The following TMEM255B variants were observed in gnomAD, a reference collection of about 807,000 sequenced individuals.
TMEM255B encodes the protein family with sequence similarity 70, member B.
TMEM255B carries 35 observed loss-of-function variants against 34.5 expected under a neutral mutation model. The ratio of observed to expected loss-of-function variants is 1.01; its 90% CI spans 0.77 to 1.34. The LOEUF (loss-of-function observed/expected upper bound fraction) is 1.34, where lower values mean the gene tolerates loss of function less well. Ranked by LOEUF, TMEM255B falls within the 40% of genes most tolerant of loss-of-function variation. The pLI, the probability that TMEM255B is intolerant of heterozygous loss-of-function variation, is 0.00. For synonymous variants in TMEM255B, 206 were observed against 201.2 expected, an observed-to-expected ratio of 1.02 and a Z score of -0.20; for missense variants, 432 against 433.2, an observed-to-expected ratio of 1.00 and a Z score of 0.02.
At chr13:113,787,305 A>G (rs575569928) in intron 3 of TMEM255B, among the ~76,000 whole-genome samples, 46 of 152,338 alleles carry the variant, frequency 3.0e-4, no homozygotes, top group African/African-American at 1.1e-3. Context: ...AAAAACATGT[A>G]TTCTAGACTA....
intron 2 of TMEM255B, among the ~76,000 whole-genome samples, chr13:113,767,164 G>A (rs1036434740): frequency 6.6e-6 from 1 of 152,178 alleles, no homozygotes; most frequent in Non-Finnish European, 1.5e-5. Flanking sequence ...CAGCAAAGAT[G>A]AAAGATTTTT....
intron 8 of TMEM255B, among the ~76,000 whole-genome samples, chr13:113,811,149 TGGGGGCCCGTG>T (rs2051290087): frequency 1.2e-5 from 1 of 80,122 alleles, no homozygotes; most frequent in Non-Finnish European, 2.6e-5. Flanking sequence ...GTCTGTGGGG[TGGGGGCCCGTG>T]AGAGTGGTCC....
chr13:113,769,461 G>T lies in TMEM255B; in HGVS notation c.252+301G>T. 2.7e-6 allele frequency: 1 copy of T among 367,064 alleles called. No homozygotes were observed. The allele number at this position is 367,064 out of a possible 1,614,324, so 22.7% of individuals were successfully genotyped here. On this transcript the variant is annotated intron_variant, in intron 3 of 8. Coordinates refer to ENST00000375353, the MANE Select transcript of TMEM255B (RefSeq NM_182614.4). The surrounding 1 kb of genome is among the most constrained non-coding windows in gnomAD (Gnocchi z 4.2). ...AGAATGCATGAAGTTTGGGACGGGGGTGGCAAATTAAATTAAGTCCTAGTG... is the reference window on the plus strand; with the variant it reads ...AGAATGCATGAAGTTTGGGACGGGGTTGGCAAATTAAATTAAGTCCTAGTG...
intron 8 of TMEM255B, among the ~76,000 whole-genome samples, chr13:113,810,540 A>G (rs901577823): frequency 5.3e-5 from 8 of 152,174 alleles, no homozygotes; most frequent in Non-Finnish European, 1.2e-4. Context: ...AGAGAGATCA[A>G]TCCATCGATT....
intron 1 of TMEM255B, among the ~76,000 whole-genome samples, chr13:113,760,791 C>T (rs866169746): frequency 5.3e-5 from 2 of 38,090 alleles, no homozygotes; most frequent in Non-Finnish European, 5.3e-5. Context: ...TTTGGGGTAT[C>T]GGGGGTGGGT....
chr13:113,808,042 G>C (rs902787390), intron 8 of TMEM255B, among the ~76,000 whole-genome samples: 4 of 152,176 alleles, frequency 2.6e-5, no homozygotes, highest in African/African-American at 7.2e-5. Flanking sequence ...CTTAATATAC[G>C]CACGCTGATA....
chr13:113,800,962 C>G, intron 6 of TMEM255B, 50 bp downstream of exon 6: 1 of 1,176,356 alleles, frequency 8.5e-7, no homozygotes, highest in Non-Finnish European at 1.2e-6. Flanking sequence ...AGGTGAGGGG[C>G]GCTGGGGACC....
At chr13:113,791,229 T>C (rs1299356494) in intron 3 of TMEM255B, among the ~76,000 whole-genome samples, 1 of 152,166 alleles carries the variant, frequency 6.6e-6, no homozygotes, top group African/African-American at 2.4e-5. Flanking sequence ...GGTGAACATC[T>C]AGGGCCAGCA....
rs1353910082 is a variant in TMEM255B at position 113,769,186 on chromosome 13, G to A, written c.252+26G>A. ...GTAAGAAAGTACATGGGGTGGTGGG[G>A]AGCATGAGTCCCTCATCAGGGGATG... is the stretch of plus-strand genomic sequence containing the variant. On this transcript the variant is annotated intron_variant, in intron 3 of 8. Transcript: ENST00000375353. This position sits in a 1 kb window ranked among gnomAD's most constrained non-coding sequence, Gnocchi z 4.2. 1 of 1,613,026 alleles carries A rather than the reference G, an allele frequency of 6.2e-7. No individual in the cohort carries two copies. Among genetic ancestry groups the A allele is most frequent in the South Asian group, 1.1e-5 (1 of 91,020 alleles).
chr13:113,772,123 A>C (rs773274557), intron 3 of TMEM255B, among the ~76,000 whole-genome samples: 2 of 152,116 alleles, frequency 1.3e-5, no homozygotes, highest in South Asian at 4.1e-4. Flanking sequence ...TCATGTGCCT[A>C]TTGGCCGTTT....
intron 3 of TMEM255B, among the ~76,000 whole-genome samples, chr13:113,772,313 T>C (rs760535643): frequency 1.4e-4 from 22 of 152,234 alleles, no homozygotes; most frequent in Admixed American, 2.6e-4. Context: ...CTTAATGGTG[T>C]CCTTTGAGGC....
chr13:113,804,203 A>C (rs1418209446), intron 7 of TMEM255B, among the ~76,000 whole-genome samples: 1 of 152,120 alleles, frequency 6.6e-6, no homozygotes, highest in Non-Finnish European at 1.5e-5. Context: ...CCGGGGCCTG[A>C]GTTGGAGCCA....
In TMEM255B at chr13:113,812,873, GTCCCGAGTGGGT is replaced by G. The variant is rs2051342812; in HGVS notation, c.*971_*982del. On this transcript the variant is annotated 3_prime_UTR_variant, in exon 9 of 9. Transcript: ENST00000375353. ...CACAGGCATCCCGGGTGGGTCACAG[GTCCCGAGTGGGT>G]CACAGGCCCCGGGTGAGTCACAGGC... 3.3e-5 allele frequency: 5 copies of G among 150,338 alleles called. No individual in the cohort carries two copies. The highest frequency in any genetic ancestry group is 1.5e-4 in the African/African-American group (4 of 26,040). 9.3% of individuals were successfully genotyped at this position (150,338 alleles called of 1,614,324 possible).
At chr13:113,773,874 G>A (rs2050516050) in intron 3 of TMEM255B, among the ~76,000 whole-genome samples, 1 of 152,134 alleles carries the variant, frequency 6.6e-6, no homozygotes, top group South Asian at 2.1e-4. Flanking sequence ...TTATACACTG[G>A]TTTTAAGTGC....
intron 3 of TMEM255B, among the ~76,000 whole-genome samples, chr13:113,789,632 G>A (rs1566733046): frequency 6.6e-6 from 1 of 152,246 alleles, no homozygotes; most frequent in African/African-American, 2.4e-5. Flanking sequence ...CTGGACTCGG[G>A]TTGAAGCACC....
At chr13:113,798,115 G>A (rs2138569244) in intron 4 of TMEM255B, among the ~76,000 whole-genome samples, 1 of 152,034 alleles carries the variant, frequency 6.6e-6, no homozygotes. Flanking sequence ...TGGATGACAG[G>A]AATGGATGGA....
intron 8 of TMEM255B, among the ~76,000 whole-genome samples, chr13:113,808,405 G>A (rs962954587): frequency 6.6e-6 from 1 of 152,154 alleles, no homozygotes; most frequent in Non-Finnish European, 1.5e-5. Context: ...ATTACTCGTG[G>A]GCAGGGCTTG....
chr13:113,783,914 A>G (rs79590583), intron 3 of TMEM255B, among the ~76,000 whole-genome samples: 12,621 of 152,146 alleles, frequency 0.083, 631 homozygotes, highest in South Asian at 0.17. Flanking sequence ...GAAGGATTTC[A>G]TGAGGGGTGC....
chr13:113,810,644 G>A (rs1190045337), intron 8 of TMEM255B, among the ~76,000 whole-genome samples: 1 of 152,178 alleles, frequency 6.6e-6, no homozygotes, highest in Non-Finnish European at 1.5e-5. Context: ...CCCCGGGAGT[G>A]CCTAGGCCAC....
Sources: allele counts gnomAD v4.1 joint callset (sites outside exome capture counted in the v4.1 genomes callset), GRCh38; gene constraint gnomAD v4.1.1; non-coding constraint Gnocchi (gnomAD v3.1); transcripts MANE v1.5; gene names NCBI Gene and HGNC (gene_info 2026-07-23, HGNC 2026-07-21).